The following KCND2 variants were observed in gnomAD, a reference collection of about 807,000 sequenced individuals.
KCND2 encodes potassium voltage-gated channel subfamily D member 2.
Under a neutral mutation model 54.4 loss-of-function variants are expected in KCND2, and 16 were observed. The observed-to-expected ratio is 0.29, with a 90% confidence interval of 0.20 to 0.45. The LOEUF is 0.45. Among genes scored for constraint, KCND2 ranks in the 20% least tolerant of loss-of-function variants. The pLI is 1.00. For synonymous variants in KCND2, 317 were observed against 310.7 expected (o/e 1.02, Z -0.21); for missense variants, 486 against 824.2 (o/e 0.59, Z 5.02).
At chr7:120,417,607 A>T (rs1008905749) in intron 1 of KCND2, among the ~76,000 whole-genome samples, 5 of 152,238 alleles carry the variant, frequency 3.3e-5, no homozygotes, top group Admixed American at 1.3e-4. Context: ...TTAATACTGT[A>T]AGCAAGTATA....
intron 1 of KCND2, among the ~76,000 whole-genome samples, chr7:120,541,568 A>G (rs528614133): frequency 3.5e-4 from 53 of 152,272 alleles, no homozygotes; most frequent in African/African-American, 1.2e-3. Flanking sequence ...AGGATTTTCT[A>G]TGCTCATGCC....
chr7:120,504,195 C>T (rs1445868020), intron 1 of KCND2, among the ~76,000 whole-genome samples: 1 of 151,896 alleles, frequency 6.6e-6, no homozygotes, highest in African/African-American at 2.4e-5. Context: ...AACACCCTCA[C>T]TTATATAACT....
chr7:120,293,989 T>C (rs1799473783), intron 1 of KCND2, among the ~76,000 whole-genome samples: 1 of 152,022 alleles, frequency 6.6e-6, no homozygotes, highest in South Asian at 2.1e-4. Context: ...GCTCTTGAAG[T>C]ATATTTAGAG....
rs1801535639 is a variant in KCND2 at position 120,417,138 on chromosome 7, C to T, written c.1115+141391C>T. Among the ~76,000 whole-genome samples the T allele has an allele frequency of 2.6e-5, 4 of 152,324 alleles. No individual in the cohort carries two copies. In the South Asian group the frequency reaches 8.3e-4, roughly 32 times the overall value. On this transcript the variant is annotated intron_variant, in intron 1 of 5. Transcript: ENST00000331113. ...CTGGGATTACAGGTGTGAGCTACTG[C>T]AGCCAGCCTAGAAAGCTTACAGATC...
At chr7:120,316,910 A>G (rs1799820449) in intron 1 of KCND2, among the ~76,000 whole-genome samples, 1 of 151,588 alleles carries the variant, frequency 6.6e-6, no homozygotes, top group South Asian at 2.1e-4. Context: ...ATCTCAGCTC[A>G]CAGCAACCTC....
At chr7:120,674,104 A>G (rs560868642) in intron 1 of KCND2, among the ~76,000 whole-genome samples, 64 of 151,996 alleles carry the variant, frequency 4.2e-4, no homozygotes, top group African/African-American at 1.5e-3. Flanking sequence ...GGGTTTCACC[A>G]TGTTGTCCAG....
chr7:120,369,009 C>A (rs1427917829), intron 1 of KCND2, among the ~76,000 whole-genome samples: 1 of 151,960 alleles, frequency 6.6e-6, no homozygotes, highest in African/African-American at 2.4e-5. Flanking sequence ...TTGTTCACAC[C>A]AGAGTTTGTT....
chr7:120,609,954 G>A (rs768513533), intron 1 of KCND2, among the ~76,000 whole-genome samples: 5 of 152,054 alleles, frequency 3.3e-5, no homozygotes, highest in Non-Finnish European at 7.4e-5. Flanking sequence ...GCTCATGTAA[G>A]CAGAAATACT....
intron 1 of KCND2, among the ~76,000 whole-genome samples, chr7:120,608,076 G>A (rs1374081059): frequency 6.6e-6 from 1 of 151,530 alleles, no homozygotes; most frequent in Non-Finnish European, 1.5e-5. Flanking sequence ...AGACCTATGT[G>A]CCAGAAAAGT....
At chr7:120,669,251 G>C (rs559101345) in intron 1 of KCND2, among the ~76,000 whole-genome samples, 2 of 151,986 alleles carry the variant, frequency 1.3e-5, no homozygotes, top group African/African-American at 4.8e-5. Context: ...ATTGTGTATA[G>C]AGTACAAATA....
intron 1 of KCND2, among the ~76,000 whole-genome samples, chr7:120,312,667 G>A (rs917211386): frequency 1.3e-5 from 2 of 152,060 alleles, no homozygotes; most frequent in African/African-American, 2.4e-5. Flanking sequence ...TGTTGTTCAC[G>A]GCCTAACTCC....
intron 1 of KCND2, among the ~76,000 whole-genome samples, chr7:120,595,384 G>T (rs968281266): frequency 4.3e-4 from 65 of 149,986 alleles, no homozygotes; most frequent in African/African-American, 8.3e-4. Flanking sequence ...CCAGGAGGTG[G>T]ACGTTGCAGT....
intron 1 of KCND2, among the ~76,000 whole-genome samples, chr7:120,322,177 TA>T (rs148905462): frequency 0.021 from 3,244 of 151,922 alleles, 131 homozygotes; most frequent in African/African-American, 0.074. Context: ...AACCTTTTTT[TA>T]AAAAAAAGCA....
At chr7:120,341,764 T>G (rs1431656837) in intron 1 of KCND2, among the ~76,000 whole-genome samples, 1 of 152,148 alleles carries the variant, frequency 6.6e-6, no homozygotes, top group Non-Finnish European at 1.5e-5. Context: ...TGCCAATAAC[T>G]AAATTAGGAG....
intron 1 of KCND2, among the ~76,000 whole-genome samples, chr7:120,520,251 T>C (rs1242252152): frequency 6.6e-6 from 1 of 152,104 alleles, no homozygotes; most frequent in East Asian, 1.9e-4. Context: ...ATTTCAGTAA[T>C]TCTATTTGTG....
intron 1 of KCND2, among the ~76,000 whole-genome samples, chr7:120,360,396 G>T (rs1267199617): frequency 6.6e-6 from 1 of 151,982 alleles, no homozygotes; most frequent in Admixed American, 6.6e-5. Flanking sequence ...ATCTCTATCT[G>T]CCCTTTCTTC....
chr7:120,534,784 G>T (rs958720766), intron 1 of KCND2, among the ~76,000 whole-genome samples: 1 of 152,036 alleles, frequency 6.6e-6, no homozygotes, highest in Non-Finnish European at 1.5e-5. Context: ...TAAAAAAAAG[G>T]TTATTTAAAT....
At chr7:120,383,173 C>T (rs2116031699) in intron 1 of KCND2, among the ~76,000 whole-genome samples, 1 of 152,024 alleles carries the variant, frequency 6.6e-6, no homozygotes, top group South Asian at 2.1e-4. Flanking sequence ...TCAATAATCC[C>T]CTTTGGATGC....
intron 1 of KCND2, among the ~76,000 whole-genome samples, chr7:120,290,305 C>A (rs975832206): frequency 1.3e-5 from 2 of 151,936 alleles, no homozygotes; most frequent in Non-Finnish European, 2.9e-5. Context: ...ATAAAGTTCC[C>A]ATAGAAGCAA....
Sources: allele counts gnomAD v4.1 joint callset (sites outside exome capture counted in the v4.1 genomes callset), GRCh38; gene constraint gnomAD v4.1.1; transcripts MANE v1.5; gene names NCBI Gene and HGNC (gene_info 2026-07-23, HGNC 2026-07-21).